Variants in CPNE5 observed in about 807,000 individuals in gnomAD.
The protein encoded by CPNE5 is copine 5, also known as copine-5.
Under a neutral mutation model 81.1 loss-of-function variants are expected in CPNE5, and 42 were observed. The observed-to-expected ratio is 0.52, with a 90% CI of 0.40 to 0.67. CPNE5 has a LOEUF of 0.67. CPNE5 is among the 30% of genes least tolerant of loss of function. The pLI is 0.00. For synonymous variants in CPNE5, 313 were observed against 321.5 expected, an observed-to-expected ratio of 0.97 and a Z score of 0.28; for missense variants, 612 against 815.5, an observed-to-expected ratio of 0.75 and a Z score of 3.04.
In CPNE5 at chr6:36,744,386, A is replaced by G. The variant is rs939869204; in HGVS notation, c.1432-61T>C. ...CCCAATTGGGACCCAGTTAAAAGGA[A>G]GGAGAAATCAGGGGTAGGACAGGAA... On this transcript the variant is annotated intron_variant, in intron 18 of 20. Transcript: ENST00000244751. 20 of 1,321,180 alleles carry G rather than the reference A, an allele frequency of 1.5e-5. No individual in the cohort carries two copies. In the Admixed American group the frequency reaches 3.7e-4, roughly 25 times the overall value. The allele number at this position is 1,321,180 out of a possible 1,614,324, so 81.8% of individuals were successfully genotyped here.
intron 8 of CPNE5, among the ~76,000 whole-genome samples, chr6:36,783,333 C>T (rs1011346885): frequency 7.0e-6 from 1 of 143,324 alleles, no homozygotes; most frequent in East Asian, 2.1e-4. Context: ...ACAAGTTAAC[C>T]TACATAACAA....
rs572295551 is a variant in CPNE5, at chr6:36,838,688, A to G, written c.95+595T>C. On this transcript the variant is annotated intron_variant, in intron 1 of 20. Coordinates refer to ENST00000244751, the MANE Select transcript of CPNE5 (RefSeq NM_020939.2). ...GTGCCACTTTAAGTTGTTATCATGT[A>G]TCCACACCTTAGTATGAATGAGTCA... is the stretch of plus-strand genomic sequence containing the variant. 4.1e-4 allele frequency: 337 copies of G among 829,072 alleles called. 2 individuals carry two copies. The African/African-American group carries it at 5.8e-3, about 14-fold the overall frequency. 51.4% of individuals were successfully genotyped at this position (829,072 alleles called of 1,614,324 possible). A position where few individuals can be genotyped will look rare whatever the true frequency, so the allele number is the denominator to read the frequency against.
At chr6:36,835,435 T>A (rs548777027) in intron 1 of CPNE5, among the ~76,000 whole-genome samples, 4 of 152,280 alleles carry the variant, frequency 2.6e-5, no homozygotes. Flanking sequence ...TCACATTTTT[T>A]ATGATGTCTA....
At chr6:36,817,164 A>G (rs972021734) in intron 3 of CPNE5, among the ~76,000 whole-genome samples, 9 of 152,214 alleles carry the variant, frequency 5.9e-5, no homozygotes, top group Admixed American at 3.3e-4. Flanking sequence ...TGTCTCTACT[A>G]AAAATACAAA....
At chr6:36,750,405 C>G (rs1004472263) in intron 14 of CPNE5, among the ~76,000 whole-genome samples, 3 of 152,168 alleles carry the variant, frequency 2.0e-5, no homozygotes, top group African/African-American at 7.2e-5. Flanking sequence ...GGTCTGCTGG[C>G]CACAGACAGT....
chr6:36,798,227 C>T lies in CPNE5; in HGVS notation c.342G>A (p.Gln114=), dbSNP rs756837926. 6.2e-7 allele frequency: 1 copy of T among 1,613,636 alleles called. No homozygotes were observed. Among genetic ancestry groups the T allele is most frequent in the South Asian group, 1.1e-5 (1 of 90,946 alleles). ...PDLSKHDFLG[Q]AFCTLGEIVG... The stretch of plus-strand genomic sequence containing the variant: ...CAATCTCTCCAAGGGTGCAGAAGGC[C>T]TGGCCCAGGAAATCCTGCATATCCA... The change falls in exon 6 of 21, where the codon CAG becomes CAA. Residue 114 remains glutamine, a synonymous_variant. Coordinates refer to ENST00000244751, the MANE Select transcript of CPNE5 (RefSeq NM_020939.2).
chr6:36,747,254 C>CG lies in CPNE5; in HGVS notation c.1019-678_1019-677insC, dbSNP rs34868004. Among the ~76,000 whole-genome samples the CG allele has an allele frequency of 1.4e-3, 193 of 135,080 alleles. 2 individuals carry two copies. Among genetic ancestry groups the CG allele is most frequent in the African/African-American group, 4.6e-3 (182 of 39,926 alleles). 88.6% of individuals were successfully genotyped at this position (135,080 alleles called of 152,430 possible). A position where few individuals can be genotyped will look rare whatever the true frequency, so the allele number is the denominator to read the frequency against. Reference sequence around the variant, plus strand: ...CTATCCTTCTTCCTGGCTTGATTTCCCCCCCCAGAGCCCTCTTCGCTGCCA... The same window carrying CG: ...CTATCCTTCTTCCTGGCTTGATTTCCGCCCCCCAGAGCCCTCTTCGCTGCCA... On this transcript the variant is annotated intron_variant, in intron 15 of 20. Coordinates refer to ENST00000244751, the MANE Select transcript of CPNE5 (RefSeq NM_020939.2).
chr6:36,765,517 G>T, intron 10 of CPNE5, 141 bp from the exon 11 acceptor site: 2 of 896,684 alleles, frequency 2.2e-6, no homozygotes, highest in Non-Finnish European at 1.7e-6. Flanking sequence ...GGAGGCAGCG[G>T]CTTGAGAGAC....
chr6:36,829,850 C>CAAAAAA (rs1224687378), intron 1 of CPNE5, among the ~76,000 whole-genome samples: 1 of 47,360 alleles, frequency 2.1e-5, no homozygotes, highest in African/African-American at 8.2e-5. Flanking sequence ...GTAGGAATTG[C>CAAAAAA]AAAAAAAAAA....
chr6:36,823,090 A>G lies in CPNE5; in HGVS notation c.104T>C (p.Leu35Pro), dbSNP rs919957008. 1 of 1,572,928 alleles carries G rather than the reference A, an allele frequency of 6.4e-7. No individual in the cohort carries two copies. The highest frequency in any genetic ancestry group is 1.2e-5 in the South Asian group (1 of 82,784). The change falls in exon 2 of 21, where the codon CTG becomes CCG. Residue 35 changes from leucine to proline, a missense_variant. By Grantham distance (98) the Leu-to-Pro change is moderately conservative. Coordinates refer to ENST00000244751, the MANE Select transcript of CPNE5 (RefSeq NM_020939.2). ...GGACTTGGAAAACATGTCTTTGTCC[A>G]GGAGGTTCCTGAAAGAGGGGGAGAG... ...VEITVSCRNLLDKDMFSKSDP... is the reference protein window; with the variant it reads ...VEITVSCRNLPDKDMFSKSDP...
At chr6:36,749,793 C>T (rs1363119842) in intron 14 of CPNE5, among the ~76,000 whole-genome samples, 11 of 152,100 alleles carry the variant, frequency 7.2e-5, no homozygotes, top group African/African-American at 2.7e-4. Flanking sequence ...GTTGATTATA[C>T]CTTTTCTCCA....
intron 3 of CPNE5, among the ~76,000 whole-genome samples, chr6:36,820,335 CTTTTTTTTTTT>C (rs1163633243): frequency 1.5e-4 from 14 of 92,408 alleles, no homozygotes; most frequent in Non-Finnish European, 2.7e-4. Flanking sequence ...CTAATCCATT[CTTTTTTTTTTT>C]TTTTTTTTTT....
chr6:36,785,198 C>T (rs1768418407), intron 8 of CPNE5, among the ~76,000 whole-genome samples: 1 of 152,084 alleles, frequency 6.6e-6, no homozygotes, highest in African/African-American at 2.4e-5. Context: ...GCCTGGTCTG[C>T]TCTGGCATCT....
At chr6:36,796,800 C>A (rs1189908256) in intron 6 of CPNE5, among the ~76,000 whole-genome samples, 5 of 152,240 alleles carry the variant, frequency 3.3e-5, no homozygotes, top group Non-Finnish European at 5.9e-5. Context: ...AGAGATGAGA[C>A]CTTTTGGGGG....
chr6:36,823,531 T>C (rs1408186337), intron 1 of CPNE5, among the ~76,000 whole-genome samples: 1 of 152,212 alleles, frequency 6.6e-6, no homozygotes, highest in Non-Finnish European at 1.5e-5. Context: ...AGGCTCTACT[T>C]ACAGCCAGTT....
chr6:36,768,782 C>G (rs889210793), intron 10 of CPNE5, among the ~76,000 whole-genome samples: 1 of 152,210 alleles, frequency 6.6e-6, no homozygotes, highest in Non-Finnish European at 1.5e-5. Context: ...GGACAGAGGC[C>G]TAACCTAGGA....
At chr6:36,787,704 C>A (rs1288098707) in intron 8 of CPNE5, among the ~76,000 whole-genome samples, 6 of 152,102 alleles carry the variant, frequency 3.9e-5, no homozygotes, top group African/African-American at 1.2e-4. Flanking sequence ...TACATGAGCA[C>A]GCTGGTGACA....
chr6:36,811,344 T>C (rs777264971), intron 3 of CPNE5, among the ~76,000 whole-genome samples: 1 of 152,222 alleles, frequency 6.6e-6, no homozygotes, highest in Non-Finnish European at 1.5e-5. Context: ...GGTTCCTTCC[T>C]CCAGATAAAG....
intron 12 of CPNE5, among the ~76,000 whole-genome samples, chr6:36,762,182 G>T (rs1766092872): frequency 6.9e-6 from 1 of 145,694 alleles, no homozygotes. Context: ...GAGCCTGGGA[G>T]ATTGGGGCTG....
Sources: gnomAD v4.1 joint callset for allele counts (sites outside exome capture counted in the v4.1 genomes callset) on GRCh38, gnomAD v4.1.1 for gene constraint, MANE v1.5 for transcripts, NCBI Gene and HGNC (gene_info 2026-07-23, HGNC 2026-07-21) for gene names.